Variants in KIAA1549L observed in about 807,000 individuals in gnomAD.
The protein encoded by KIAA1549L is UPF0606 protein KIAA1549L.
Under a neutral mutation model 160.7 loss-of-function variants are expected in KIAA1549L, and 88 were observed. That is an observed-to-expected ratio of 0.55 (90% CI 0.46 to 0.65). The LOEUF is 0.65. Ranked by LOEUF, KIAA1549L falls within the 30% of genes least tolerant of loss-of-function variation. KIAA1549L has a pLI of 0.00. For synonymous variants in KIAA1549L, 950 were observed against 976.7 expected, an observed-to-expected ratio of 0.97 and a Z score of 0.51; for missense variants, 2,258 against 2,437.5, an observed-to-expected ratio of 0.93 and a Z score of 1.55.
chr11:33,668,241 A>C lies in KIAA1549L; in HGVS notation c.*87A>C. The C allele has an allele frequency of 2.4e-6, 3 of 1,241,598 alleles. No individual in the cohort carries two copies. In the Admixed American group the frequency reaches 6.6e-5, roughly 27 times the overall value. 76.9% of individuals were successfully genotyped at this position (1,241,598 alleles called of 1,614,324 possible). On this transcript the variant is annotated 3_prime_UTR_variant, in exon 21 of 21. Transcript: ENST00000658780. Reference sequence around the variant, plus strand: ...ATGCCTACGTGTTAGGACTTGAGACATAGCAATGGGTGAGTCTTTCTCACC... The same window carrying C: ...ATGCCTACGTGTTAGGACTTGAGACCTAGCAATGGGTGAGTCTTTCTCACC...
intron 16 of KIAA1549L, among the ~76,000 whole-genome samples, chr11:33,628,894 A>C (rs188450361): frequency 4.0e-5 from 6 of 151,368 alleles, no homozygotes; most frequent in African/African-American, 9.7e-5. Context: ...TGGTCCTTAC[A>C]TTTTGGCATG....
chr11:33,627,035 T>C (rs11529930), intron 16 of KIAA1549L, among the ~76,000 whole-genome samples: 4 of 80,256 alleles, frequency 5.0e-5, no homozygotes, highest in East Asian at 5.7e-4. Context: ...TTGTCTTTGG[T>C]TCTGTTTATA....
At chr11:33,613,424 A>G (rs555121467) in intron 15 of KIAA1549L, among the ~76,000 whole-genome samples, 18 of 152,266 alleles carry the variant, frequency 1.2e-4, no homozygotes, top group Non-Finnish European at 2.4e-4. Flanking sequence ...AGACTGGGTA[A>G]TTTATAAAGA....
At chr11:33,483,518 A>G (rs188293778) in intron 1 of KIAA1549L, among the ~76,000 whole-genome samples, 28 of 152,284 alleles carry the variant, frequency 1.8e-4, no homozygotes, top group African/African-American at 6.7e-4. Flanking sequence ...ACCACTGGGC[A>G]TGGCAGGCAC....
chr11:33,473,952 C>G lies in KIAA1549L; in HGVS notation c.239-67850C>G, dbSNP rs542803759. Among the ~76,000 whole-genome samples the G allele has an allele frequency of 1.6e-3, 250 of 152,230 alleles. 1 individual carries two copies. The highest frequency in any genetic ancestry group is 5.9e-3 in the African/African-American group (244 of 41,544). On this transcript the variant is annotated intron_variant, in intron 1 of 20. Transcript: ENST00000658780. ...TTCTGCGGGCTGTACAAGCATGGCT[C>G]CAGCATCTGCTTCTGGTGAGGGCCT...
chr11:33,626,174 AG>A (rs1851107949), intron 16 of KIAA1549L, among the ~76,000 whole-genome samples: 1 of 146,104 alleles, frequency 6.8e-6, no homozygotes, highest in Non-Finnish European at 1.5e-5. Flanking sequence ...CTTGTAGTAT[AG>A]TTTGAAGTCA....
chr11:33,377,648 A>G (rs891308469), intron 1 of KIAA1549L, among the ~76,000 whole-genome samples: 41 of 152,168 alleles, frequency 2.7e-4, no homozygotes, highest in Non-Finnish European at 2.9e-4. Context: ...GCACTTGGAA[A>G]GGGCAGGCTT....
intron 16 of KIAA1549L, among the ~76,000 whole-genome samples, chr11:33,644,675 GTT>G (rs1253691618): frequency 1.3e-5 from 2 of 152,228 alleles, no homozygotes; most frequent in Non-Finnish European, 2.9e-5. Flanking sequence ...AACTCTCCTG[GTT>G]GGAATGTTTT....
At chr11:33,525,433 G>T (rs1313759634) in intron 1 of KIAA1549L, among the ~76,000 whole-genome samples, 1 of 152,166 alleles carries the variant, frequency 6.6e-6, no homozygotes, top group Non-Finnish European at 1.5e-5. Flanking sequence ...TCCCTAGCTT[G>T]AGCCCAGGGA....
At chr11:33,381,274 G>A (rs1850069790) in intron 1 of KIAA1549L, among the ~76,000 whole-genome samples, 1 of 152,130 alleles carries the variant, frequency 6.6e-6, no homozygotes, top group Non-Finnish European at 1.5e-5. Context: ...AAGCTCTATG[G>A]AGCAAAATAA....
intron 6 of KIAA1549L, among the ~76,000 whole-genome samples, chr11:33,553,259 C>G (rs748037696): frequency 2.0e-5 from 3 of 151,814 alleles, no homozygotes; most frequent in East Asian, 1.9e-4. Context: ...CGCGGCCTCC[C>G]GAAGTGCTGG....
intron 17 of KIAA1549L, among the ~76,000 whole-genome samples, chr11:33,649,505 TAAAA>T (rs34818689): frequency 2.1e-4 from 26 of 124,768 alleles, no homozygotes; most frequent in East Asian, 2.3e-4. Context: ...GTCTCTATTG[TAAAA>T]AAAAAAAAAA....
At position 33,542,484 on chromosome 11, in the gene KIAA1549L, G is replaced by A. The variant is rs1854052748; in HGVS notation, c.921G>A (p.Gln307=). The change falls in exon 2 of 21, where the codon CAG becomes CAA. Residue 307 remains glutamine, a synonymous_variant. Transcript: ENST00000658780. The part of the protein sequence containing the change: ...EMDHTASQNA[Q]DLIGIPHLGV... ...ACCACACTGCATCCCAAAATGCCCA[G>A]GATCTCATAGGCATCCCTCATCTAG... 2 of 1,613,344 alleles carry A rather than the reference G, an allele frequency of 1.2e-6. No individual in the cohort carries two copies. Among genetic ancestry groups the A allele is most frequent in the Non-Finnish European group, 1.7e-6 (2 of 1,179,566 alleles).
chr11:33,660,667 C>A (rs1852229655), intron 19 of KIAA1549L, among the ~76,000 whole-genome samples, 196 bp from the exon 20 acceptor site: 1 of 152,192 alleles, frequency 6.6e-6, no homozygotes, highest in Admixed American at 6.5e-5. Context: ...GTCCACTGCA[C>A]CTTAAATGAA....
intron 10 of KIAA1549L, among the ~76,000 whole-genome samples, chr11:33,580,224 A>G (rs1855588147): frequency 6.6e-6 from 1 of 152,186 alleles, no homozygotes; most frequent in Non-Finnish European, 1.5e-5. Flanking sequence ...CCCAAGGAGA[A>G]GCATACCAGA....
In KIAA1549L at chr11:33,618,513, A is replaced by G; in HGVS notation, c.5280-20A>G. On this transcript the variant is annotated intron_variant, in intron 15 of 20. Transcript: ENST00000658780. ...GTCAGGGCATTTGCTGCATCATAAC[A>G]GTTGTTGAATTTTCTTCAGGCAACA... 6.3e-7 allele frequency: 1 copy of G among 1,595,062 alleles called. No individual in the cohort carries two copies.
At chr11:33,552,064 G>T (rs767882103) in intron 5 of KIAA1549L, 44 bp from the exon 6 acceptor site, 2 of 1,606,070 alleles carry the variant, frequency 1.2e-6, no homozygotes, top group Non-Finnish European at 1.7e-6. Flanking sequence ...AAGGAACTGA[G>T]ACATGGAGCT....
At chr11:33,459,332 T>A (rs1250238796) in intron 1 of KIAA1549L, among the ~76,000 whole-genome samples, 1 of 152,192 alleles carries the variant, frequency 6.6e-6, no homozygotes, top group Non-Finnish European at 1.5e-5. Flanking sequence ...AGGGGAGTTC[T>A]GGGCAGGTCT....
intron 12 of KIAA1549L, among the ~76,000 whole-genome samples, chr11:33,592,646 G>A (rs1033626832): frequency 6.6e-6 from 1 of 152,142 alleles, no homozygotes; most frequent in African/African-American, 2.4e-5. Flanking sequence ...CTTATAATCT[G>A]GTGAGGAGAG....
Sources: gnomAD v4.1 joint callset for allele counts (sites outside exome capture counted in the v4.1 genomes callset) on GRCh38, gnomAD v4.1.1 for gene constraint, MANE v1.5 for transcripts, NCBI Gene and HGNC (gene_info 2026-07-23, HGNC 2026-07-21) for gene names.